The following RANBP2 variants were observed in gnomAD, a reference collection of about 807,000 sequenced individuals.
RANBP2 encodes the protein RAN binding protein 2.
RANBP2 carries 57 observed loss-of-function variants against 303.6 expected under a neutral mutation model. That is an observed-to-expected ratio of 0.19 (90% CI 0.15 to 0.23). RANBP2 has a LOEUF of 0.23. Among genes scored for constraint, RANBP2 ranks in the 10% least tolerant of loss-of-function variants. The pLI is 1.00. For synonymous variants in RANBP2, 1,167 were observed against 1,301.5 expected, an observed-to-expected ratio of 0.90 and a Z score of 2.23; for missense variants, 3,138 against 3,780.8, an observed-to-expected ratio of 0.83 and a Z score of 4.46.
At chr2:109,008,903 A>G in the RANBP2 span, among the ~76,000 whole-genome samples, 1 of 151,386 alleles carries the variant, frequency 6.6e-6, no homozygotes, top group Non-Finnish European at 1.5e-5. Context: ...CATCTCAAAA[A>G]AAAAAAAGAA....
the RANBP2 span, among the ~76,000 whole-genome samples, chr2:109,672,768 A>G: frequency 2.0e-5 from 3 of 152,194 alleles, no homozygotes; most frequent in African/African-American, 4.8e-5. Context: ...AATACTGTTG[A>G]TATATGTACA....
At chr2:109,429,437 C>T in the RANBP2 span, among the ~76,000 whole-genome samples, 1 of 152,182 alleles carries the variant, frequency 6.6e-6, no homozygotes, top group Non-Finnish European at 1.5e-5. Flanking sequence ...AAGGATTACT[C>T]ATCAACAGAA....
At chr2:108,791,914 G>T in the RANBP2 span, 1 of 1,096,972 alleles carries the variant, frequency 9.1e-7, no homozygotes, top group African/African-American at 1.6e-5. Flanking sequence ...ATATTTCTGT[G>T]TTCTGAACTT....
chr2:109,110,426 A>T, the RANBP2 span, among the ~76,000 whole-genome samples: 1 of 152,148 alleles, frequency 6.6e-6, no homozygotes, highest in Admixed American at 6.5e-5. Flanking sequence ...TAATCTTGCG[A>T]TCACTTAGGC....
chr2:109,331,698 TTTTC>T, the RANBP2 span, among the ~76,000 whole-genome samples: 1 of 151,366 alleles, frequency 6.6e-6, no homozygotes, highest in African/African-American at 2.5e-5. Flanking sequence ...TTTGTTTCTA[TTTTC>T]TTTATCTATT....
At chr2:109,545,307 C>T in the RANBP2 span, 1 of 1,453,008 alleles carries the variant, frequency 6.9e-7, no homozygotes, top group Non-Finnish European at 9.0e-7. Flanking sequence ...ACAAGGGACA[C>T]AAAGTACAGA....
the RANBP2 span, among the ~76,000 whole-genome samples, chr2:109,425,443 A>C: frequency 6.6e-6 from 1 of 152,330 alleles, no homozygotes; most frequent in East Asian, 1.9e-4. Context: ...TCATAGCTAG[A>C]GAGGAGATAT....
At chr2:109,214,995 C>G in the RANBP2 span, among the ~76,000 whole-genome samples, 6 of 152,176 alleles carry the variant, frequency 3.9e-5, no homozygotes, top group Non-Finnish European at 8.8e-5. Flanking sequence ...TTGGTGGAGG[C>G]AGAGTAAGAT....
the RANBP2 span, among the ~76,000 whole-genome samples, chr2:109,302,704 C>T: frequency 0.12 from 17,524 of 152,142 alleles, 1,242 homozygotes; most frequent in East Asian, 0.26. Flanking sequence ...GAAGTGATCC[C>T]GGGAGACAAG....
the RANBP2 span, among the ~76,000 whole-genome samples, chr2:109,423,652 G>C: frequency 4.0e-3 from 612 of 152,222 alleles, 2 homozygotes; most frequent in Non-Finnish European, 7.1e-3. Flanking sequence ...CGAAATCACC[G>C]GGTACTGCCC....
At chr2:109,718,352 G>T in the RANBP2 span, among the ~76,000 whole-genome samples, 2 of 152,154 alleles carry the variant, frequency 1.3e-5, no homozygotes, top group South Asian at 4.1e-4. Context: ...AGAAAATGTG[G>T]TATATCCATA....
At chr2:109,683,770 C>T in the RANBP2 span, among the ~76,000 whole-genome samples, 2 of 152,282 alleles carry the variant, frequency 1.3e-5, no homozygotes, top group African/African-American at 4.8e-5. Context: ...TGTGACTCCT[C>T]AGGGCACTGT....
chr2:108,772,400 G>C, intron 21 of RANBP2, 89 bp from the exon 22 acceptor site: 1 of 973,072 alleles, frequency 1.0e-6, no homozygotes, highest in South Asian at 1.3e-5. Context: ...GATGTGGAGA[G>C]TGAGAAATGG....
chr2:108,876,142 A>G, the RANBP2 span: 5 of 1,609,320 alleles, frequency 3.1e-6, no homozygotes, highest in Non-Finnish European at 3.4e-6. Context: ...TTCAAGAAAT[A>G]CAAAGGACAA....
the RANBP2 span, among the ~76,000 whole-genome samples, chr2:109,639,473 G>A: frequency 6.6e-6 from 1 of 151,894 alleles, no homozygotes; most frequent in Admixed American, 6.6e-5. Context: ...ACAAAAATCA[G>A]CTGGGTGTGG....
chr2:109,016,055 TGGTA>T, the RANBP2 span, among the ~76,000 whole-genome samples: 2 of 151,696 alleles, frequency 1.3e-5, no homozygotes, highest in Non-Finnish European at 2.9e-5. Flanking sequence ...TTCACAGTTG[TGGTA>T]GGTGGTGTTA....
chr2:109,227,366 A>G, the RANBP2 span, among the ~76,000 whole-genome samples: 1 of 152,140 alleles, frequency 6.6e-6, no homozygotes, highest in Non-Finnish European at 1.5e-5. Context: ...CCTGGTTCTC[A>G]GGTCCTTAGG....
At chr2:109,724,638 C>T in the RANBP2 span, among the ~76,000 whole-genome samples, 6 of 152,082 alleles carry the variant, frequency 3.9e-5, no homozygotes, top group African/African-American at 7.2e-5. Flanking sequence ...CTGAGCTTAC[C>T]CTGGGTCCTG....
the RANBP2 span, among the ~76,000 whole-genome samples, chr2:108,911,519 A>C: frequency 6.6e-6 from 1 of 152,150 alleles, no homozygotes; most frequent in East Asian, 1.9e-4. Flanking sequence ...ACCTCATGCA[A>C]TTTCAACCTA....
Sources: allele counts gnomAD v4.1 joint callset (sites outside exome capture counted in the v4.1 genomes callset), GRCh38; gene constraint gnomAD v4.1.1; transcripts MANE v1.5; gene names NCBI Gene and HGNC (gene_info 2026-07-23, HGNC 2026-07-21).